FHL2: variants seen among roughly 807,000 people sequenced by gnomAD.
The protein encoded by FHL2 is four and a half LIM domains protein 2.
A neutral mutation model predicts 32.7 loss-of-function variants in FHL2; 20 were observed. The observed-to-expected ratio is 0.61, with a 90% CI of 0.43 to 0.89. FHL2 has a LOEUF of 0.89. Among genes scored for constraint, FHL2 ranks in the 40% least tolerant of loss-of-function variants. The pLI is 0.00. For synonymous variants in FHL2, 123 were observed against 128.1 expected (o/e 0.96, Z 0.27); for missense variants, 311 against 358.6 (o/e 0.87, Z 1.07).
chr2:105,423,535 A>G (rs1684168770), intron 1 of FHL2, among the ~76,000 whole-genome samples: 1 of 152,202 alleles, frequency 6.6e-6, no homozygotes, highest in Non-Finnish European at 1.5e-5. Flanking sequence ...GGAATCCACC[A>G]TATTTCTGTA....
intron 3 of FHL2, chr2:105,376,014 T>C (rs1226259334): frequency 1.3e-5 from 2 of 152,238 alleles, no homozygotes; most frequent in Non-Finnish European, 2.9e-5. Flanking sequence ...ACAATCCACA[T>C]GGACATCATC....
chr2:105,387,009 C>T (rs916109279), intron 2 of FHL2, among the ~76,000 whole-genome samples: 3 of 152,112 alleles, frequency 2.0e-5, no homozygotes, highest in African/African-American at 7.2e-5. Flanking sequence ...GGGTGATCTG[C>T]CCACCTCAGC....
chr2:105,431,847 C>T (rs972767528), intron 1 of FHL2, among the ~76,000 whole-genome samples: 14 of 152,170 alleles, frequency 9.2e-5, no homozygotes, highest in African/African-American at 3.4e-4. Context: ...CTGACACTTC[C>T]CAGGAAAGAG....
rs77161799 is a variant in FHL2 at position 105,373,595 on chromosome 2, A to T, written c.295T>A (p.Ser99Thr). ...CTDCYSNEYS[S>T]KCQECKKTIM... ...GTCTTCTTGCATTCCTGGCACTTGG[A>T]TGAGTACTCGTTGGAATAGCAGTCT... Residue 99 changes from serine (S) to threonine (T), a missense_variant, in exon 4 of 7, where the codon TCC becomes ACC. Coordinates refer to ENST00000530340, the MANE Select transcript of FHL2 (RefSeq NM_001318895.3). 7 of 1,614,060 alleles carry T rather than the reference A, an allele frequency of 4.3e-6. No individual in the cohort carries two copies. In the African/African-American group the frequency reaches 9.3e-5, roughly 22 times the overall value.
At chr2:105,431,524 G>C (rs1288533082) in intron 1 of FHL2, among the ~76,000 whole-genome samples, 1 of 152,196 alleles carries the variant, frequency 6.6e-6, no homozygotes, top group East Asian at 1.9e-4. Context: ...AAATGCCCTG[G>C]GGCAGGGCAG....
At chr2:105,423,393 G>C (rs1418595509) in intron 1 of FHL2, among the ~76,000 whole-genome samples, 6 of 152,164 alleles carry the variant, frequency 3.9e-5, no homozygotes, top group African/African-American at 1.4e-4. Context: ...ACAAACAGAG[G>C]ACACATTTTG....
chr2:105,392,267 G>A (rs2104609693), intron 2 of FHL2, among the ~76,000 whole-genome samples: 1 of 152,318 alleles, frequency 6.6e-6, no homozygotes, highest in South Asian at 2.1e-4. Context: ...GAGCCCTGTA[G>A]TTCAAGACCA....
At chr2:105,410,347 C>A (rs182677897) in intron 1 of FHL2, among the ~76,000 whole-genome samples, 2 of 152,324 alleles carry the variant, frequency 1.3e-5, no homozygotes, top group East Asian at 3.9e-4. Flanking sequence ...CCCCACATAG[C>A]TGCAAAATGA....
chr2:105,384,120 AG>A (rs1267877072), intron 3 of FHL2, among the ~76,000 whole-genome samples: 1 of 152,206 alleles, frequency 6.6e-6, no homozygotes, highest in East Asian at 1.9e-4. Context: ...GCCACTGGTC[AG>A]GGATGATTAG....
chr2:105,432,414 A>G (rs550213205), intron 1 of FHL2, among the ~76,000 whole-genome samples: 4 of 152,348 alleles, frequency 2.6e-5, no homozygotes, highest in Non-Finnish European at 4.4e-5. Context: ...TTGGAAGGGC[A>G]TAACATTTGG....
chr2:105,382,227 AATC>A (rs1236839386), intron 3 of FHL2, among the ~76,000 whole-genome samples: 1 of 152,152 alleles, frequency 6.6e-6, no homozygotes, highest in Non-Finnish European at 1.5e-5. Context: ...TCTGCAATGT[AATC>A]ATCACCATCT....
At position 105,363,269 on chromosome 2, in the gene FHL2, AC is replaced by A; in HGVS notation, c.688+15del. The A allele has an allele frequency of 6.2e-7, 1 of 1,612,520 alleles. No individual in the cohort carries two copies. Among genetic ancestry groups the A allele is most frequent in the Non-Finnish European group, 8.5e-7 (1 of 1,178,796 alleles). ...CTTCCAATCGCCCCTGGAAATGGGA[AC>A]CCCGGGACACTCACCGCTGATGGGG... On this transcript the variant is annotated intron_variant, in intron 6 of 6. Coordinates refer to ENST00000530340, the MANE Select transcript of FHL2 (RefSeq NM_001318895.3).
intron 1 of FHL2, 182 bp from the exon 2 acceptor site, chr2:105,396,879 A>C: frequency 6.7e-6 from 4 of 598,072 alleles, no homozygotes; most frequent in Non-Finnish European, 8.7e-6. Context: ...TTTGTACCTC[A>C]GGGCATCTGA....
intron 1 of FHL2, among the ~76,000 whole-genome samples, chr2:105,407,833 G>T (rs186372010): frequency 1.3e-5 from 2 of 152,114 alleles, no homozygotes; most frequent in African/African-American, 4.8e-5. Context: ...GGCCTTAATC[G>T]CAGAGAAGGC....
At chr2:105,401,131 T>G (rs1208304781), upstream of FHL2, among the ~76,000 whole-genome samples, 1 of 151,890 alleles carries the variant, frequency 6.6e-6, no homozygotes, top group African/African-American at 2.4e-5. Context: ...AAAATCAATT[T>G]TTATGAGACA....
rs191844196 is a variant in FHL2 at position 105,395,579 on chromosome 2, G to A, written c.-25+1068C>T. Reference sequence around the variant, plus strand: ...CTCTGTGGGGTTTCTCTGGCGCACTGCAACAGGACTCTGTCCCGAGAGGCT... The same window carrying A: ...CTCTGTGGGGTTTCTCTGGCGCACTACAACAGGACTCTGTCCCGAGAGGCT... On this transcript the variant is annotated intron_variant, in intron 2 of 6. Transcript: ENST00000530340. Among the ~76,000 whole-genome samples, 1,498 of 152,278 alleles carry A rather than the reference G, an allele frequency of 9.8e-3. 10 individuals are homozygous for A. Among genetic ancestry groups the A allele is most frequent in the Middle Eastern group, 0.034 (10 of 294 alleles).
chr2:105,415,063 T>C (rs939259308), intron 1 of FHL2, among the ~76,000 whole-genome samples: 10 of 152,242 alleles, frequency 6.6e-5, no homozygotes, highest in African/African-American at 2.4e-4. Flanking sequence ...AACGCAGATG[T>C]ATACAGATAC....
intron 1 of FHL2, among the ~76,000 whole-genome samples, chr2:105,412,720 C>A (rs1168995811): frequency 1.3e-5 from 2 of 152,082 alleles, no homozygotes; most frequent in Non-Finnish European, 2.9e-5. Flanking sequence ...GAGAAGGCAG[C>A]GTCAAGGAAG....
chr2:105,438,358 C>G (rs1684675866), intron 1 of FHL2: 5 of 985,514 alleles, frequency 5.1e-6, no homozygotes, highest in Non-Finnish European at 6.0e-6. Context: ...GGAAGGATGG[C>G]AAGGGTGAGA....
Sources: allele counts gnomAD v4.1 joint callset (sites outside exome capture counted in the v4.1 genomes callset), GRCh38; gene constraint gnomAD v4.1.1; transcripts MANE v1.5; gene names NCBI Gene and HGNC (gene_info 2026-07-23, HGNC 2026-07-21).